Variants in TMEM117 observed in about 807,000 individuals in gnomAD.
The protein encoded by TMEM117 is transmembrane protein 117.
A neutral mutation model predicts 52.4 loss-of-function variants in TMEM117; 27 were observed. That is an observed-to-expected ratio of 0.51 (90% CI 0.38 to 0.71). The LOEUF is 0.71. TMEM117 is among the 30% of genes least tolerant of loss of function. TMEM117 has a pLI of 0.00. For missense variants in TMEM117, 556 were observed against 630.5 expected (o/e 0.88, Z 1.26); for synonymous variants, 215 against 206.3 (o/e 1.04, Z -0.36).
chr12:44,000,634 A>G (rs577512894), intron 3 of TMEM117, among the ~76,000 whole-genome samples: 1 of 152,262 alleles, frequency 6.6e-6, no homozygotes, highest in East Asian at 1.9e-4. Context: ...TACCTCCGGG[A>G]CACTGGATGG....
chr12:43,809,329 C>T, the TMEM117 span, among the ~76,000 whole-genome samples: 1 of 152,092 alleles, frequency 6.6e-6, no homozygotes, highest in East Asian at 1.9e-4. Context: ...AGAGAAGAAA[C>T]CCTGCTGTAA....
chr12:44,282,034 A>G (rs1323125324), intron 5 of TMEM117, among the ~76,000 whole-genome samples: 1 of 152,102 alleles, frequency 6.6e-6, no homozygotes, highest in East Asian at 1.9e-4. Context: ...TTCCCTTGCT[A>G]TTCTCATCAC....
chr12:44,221,122 T>C (rs973505008), intron 5 of TMEM117, among the ~76,000 whole-genome samples: 1 of 152,146 alleles, frequency 6.6e-6, no homozygotes, highest in African/African-American at 2.4e-5. Flanking sequence ...CTTGACCTTG[T>C]GATGAAACTT....
chr12:44,362,792 A>G (rs1565757895), intron 6 of TMEM117, among the ~76,000 whole-genome samples: 1 of 151,866 alleles, frequency 6.6e-6, no homozygotes, highest in Non-Finnish European at 1.5e-5. Flanking sequence ...AAACATCTCT[A>G]CACAATTTGG....
intron 3 of TMEM117, among the ~76,000 whole-genome samples, chr12:44,109,854 C>G (rs1482785679): frequency 2.0e-5 from 1 of 50,410 alleles, no homozygotes; most frequent in Non-Finnish European, 3.2e-5. Context: ...GAATGTTCTT[C>G]CATTTGTTTG....
chr12:43,831,905 CA>C (rs898071290), upstream of TMEM117, among the ~76,000 whole-genome samples: 1 of 152,116 alleles, frequency 6.6e-6, no homozygotes, highest in Non-Finnish European at 1.5e-5. Flanking sequence ...ATGTAAACAA[CA>C]CACATTTTAA....
chr12:44,098,376 A>T (rs1291668740), intron 3 of TMEM117, among the ~76,000 whole-genome samples: 1 of 151,898 alleles, frequency 6.6e-6, no homozygotes, highest in African/African-American at 2.4e-5. Context: ...GACAGCAGGC[A>T]TTTTTGCCTA....
At chr12:43,886,354 A>C (rs1001066797) in intron 2 of TMEM117, among the ~76,000 whole-genome samples, 4 of 152,234 alleles carry the variant, frequency 2.6e-5, no homozygotes, top group Non-Finnish European at 4.4e-5. Flanking sequence ...GTATTTCAAC[A>C]ACAACAACAA....
chr12:44,089,952 CA>C (rs1947635088), intron 3 of TMEM117, among the ~76,000 whole-genome samples: 1 of 152,026 alleles, frequency 6.6e-6, no homozygotes, highest in African/African-American at 2.4e-5. Context: ...TATATTTTGC[CA>C]ACCCATCTTC....
chr12:44,265,157 G>A (rs186079348), intron 5 of TMEM117, among the ~76,000 whole-genome samples: 12 of 152,262 alleles, frequency 7.9e-5, no homozygotes, highest in Non-Finnish European at 1.3e-4. Context: ...GGTTTAAGCG[G>A]AACACTATAT....
At chr12:43,816,369 T>G in the TMEM117 span, among the ~76,000 whole-genome samples, 32 of 151,802 alleles carry the variant, frequency 2.1e-4, no homozygotes, top group Non-Finnish European at 3.5e-4. Context: ...TTAACTCACC[T>G]CCTGTCCACT....
chr12:44,289,225 TTGTG>T (rs59507806), intron 5 of TMEM117, among the ~76,000 whole-genome samples: 40,266 of 145,860 alleles, frequency 0.28, 6,552 homozygotes, highest in East Asian at 0.55. Flanking sequence ...CTATCCCATT[TTGTG>T]TGTGTGTGTG....
At chr12:44,356,577 G>T (rs1353373484) in intron 6 of TMEM117, among the ~76,000 whole-genome samples, 1 of 152,070 alleles carries the variant, frequency 6.6e-6, no homozygotes, top group Non-Finnish European at 1.5e-5. Context: ...ACCTGAAGAT[G>T]TTATTACCTT....
intron 4 of TMEM117, among the ~76,000 whole-genome samples, chr12:44,164,030 G>T (rs754976657): frequency 7.9e-5 from 12 of 152,190 alleles, no homozygotes; most frequent in East Asian, 1.9e-4. Flanking sequence ...TGGGGGCCTG[G>T]TGCAGGAGCT....
chr12:43,797,857 C>T, the TMEM117 span: 3 of 1,606,022 alleles, frequency 1.9e-6, no homozygotes, highest in South Asian at 2.2e-5. Context: ...ATTTAATTTA[C>T]AAGTTTAGCA....
downstream of TMEM117, among the ~76,000 whole-genome samples, chr12:44,393,928 T>C (rs1164783933): frequency 1.3e-5 from 2 of 152,176 alleles, no homozygotes; most frequent in Non-Finnish European, 1.5e-5. Context: ...AATTTGTTTC[T>C]TTTGTCATTT....
chr12:44,272,066 C>G (rs751654312), intron 5 of TMEM117, among the ~76,000 whole-genome samples: 2 of 151,862 alleles, frequency 1.3e-5, no homozygotes, highest in Non-Finnish European at 2.9e-5. Flanking sequence ...TGGCTGCAAT[C>G]AAAAAGATGA....
At chr12:43,847,829 C>T (rs76451727) in intron 2 of TMEM117, among the ~76,000 whole-genome samples, 1 of 151,982 alleles carries the variant, frequency 6.6e-6, no homozygotes, top group African/African-American at 2.4e-5. Context: ...ATTGGGGGAA[C>T]CTGCCCCCAA....
At chr12:44,006,010 C>T (rs1049780044) in intron 3 of TMEM117, among the ~76,000 whole-genome samples, 7 of 152,094 alleles carry the variant, frequency 4.6e-5, no homozygotes, top group East Asian at 1.9e-4. Flanking sequence ...ATATAAATTA[C>T]CCAGTCTCGA....
Sources: allele counts gnomAD v4.1 joint callset (sites outside exome capture counted in the v4.1 genomes callset), GRCh38; gene constraint gnomAD v4.1.1; transcripts MANE v1.5; gene names NCBI Gene and HGNC (gene_info 2026-07-23, HGNC 2026-07-21).